Variants in FAM133B observed in about 807,000 individuals in gnomAD.
FAM133B encodes family with sequence similarity 133 member B, also known as protein FAM133B.
A neutral mutation model predicts 46.4 loss-of-function variants in FAM133B; 25 were observed. That is an observed-to-expected ratio of 0.54 (90% CI 0.39 to 0.75). FAM133B has a LOEUF of 0.75. FAM133B is among the 30% of genes least tolerant of loss of function. FAM133B has a pLI of 0.00. For synonymous variants in FAM133B, 75 were observed against 86.0 expected, an observed-to-expected ratio of 0.87 and a Z score of 0.71; for missense variants, 205 against 277.6, an observed-to-expected ratio of 0.74 and a Z score of 1.86.
At chr7:92,581,765 C>G (rs1397337533) in intron 1 of FAM133B, 162 bp from the exon 2 acceptor site, 1 of 568,182 alleles carries the variant, frequency 1.8e-6, no homozygotes, top group African/African-American at 1.9e-5. Flanking sequence ...ATTTAATCCT[C>G]TTTTAAGTCT....
At chr7:92,589,928 T>G (rs1210340777) in intron 1 of FAM133B, 4 of 405,392 alleles carry the variant, frequency 9.9e-6, no homozygotes, top group African/African-American at 2.2e-5. Context: ...CGGAGTTACA[T>G]GGCGGGGCCA....
intron 10 of FAM133B, 124 bp downstream of exon 10, chr7:92,565,890 C>T: frequency 1.9e-6 from 2 of 1,034,222 alleles, no homozygotes; most frequent in African/African-American, 1.6e-5. Flanking sequence ...GCTGAACACA[C>T]CACACCTTTC....
At chr7:92,589,939 G>T in intron 1 of FAM133B, 1 of 440,910 alleles carries the variant, frequency 2.3e-6, no homozygotes, top group Non-Finnish European at 4.1e-6. Context: ...GGCGGGGCCA[G>T]GTGTGGGGGG....
Position 92,581,643 on chromosome 7 carries a change from T to C in FAM133B, c.25-40A>G, listed in dbSNP as rs376251185. On this transcript the variant is annotated intron_variant, in intron 1 of 10. Coordinates refer to ENST00000445716, the MANE Select transcript of FAM133B (RefSeq NM_152789.4). Reference sequence around the variant, plus strand: ...AACAATTAATCCATTAAAGCAATCATTAAACATGCAAAACCTCACTTACTC... The same window carrying C: ...AACAATTAATCCATTAAAGCAATCACTAAACATGCAAAACCTCACTTACTC... The C allele has an allele frequency of 3.7e-5, 57 of 1,529,150 alleles. 1 individual carries two copies. In the African/African-American group the frequency reaches 6.6e-4, roughly 18 times the overall value. The allele number at this position is 1,529,150 out of a possible 1,614,324, so 94.7% of individuals were successfully genotyped here. A position where few individuals can be genotyped will look rare whatever the true frequency, so the allele number is the denominator to read the frequency against.
chr7:92,581,542 G>A lies in FAM133B; in HGVS notation c.86C>T (p.Thr29Ile). The change falls in exon 2 of 11, where the codon ACA becomes ATA. Residue 29 changes from threonine (T) to isoleucine (I), a missense_variant. By Grantham distance (89) the Thr-to-Ile change is moderately conservative (BLOSUM62 -1). Transcript: ENST00000445716. The part of the protein sequence containing the change: ...SRGPIQSSGP[T>I]IQDYLNRPRP... ...TGGTCGATTCAGATAATCCTGTATT[G>A]TTGGCCCTGAAGACTGGATTGGACC... 2 of 1,613,846 alleles carry A rather than the reference G, an allele frequency of 1.2e-6. No individual in the cohort carries two copies. The highest frequency in any genetic ancestry group is 1.7e-6 in the Non-Finnish European group (2 of 1,179,800).
At chr7:92,571,819 G>A (rs140179057) in intron 8 of FAM133B, among the ~76,000 whole-genome samples, 170 of 152,164 alleles carry the variant, frequency 1.1e-3, no homozygotes, top group African/African-American at 1.5e-3. Flanking sequence ...TATCCAGTAC[G>A]GCAAGTTATA....
intron 8 of FAM133B, among the ~76,000 whole-genome samples, chr7:92,571,449 C>T (rs1794528227): frequency 6.6e-6 from 1 of 152,034 alleles, no homozygotes; most frequent in Admixed American, 6.6e-5. Context: ...AAACTTTGTT[C>T]ACAGTTTAAT....
chr7:92,582,258 A>ACATAAC (rs532254447), intron 1 of FAM133B, among the ~76,000 whole-genome samples: 3 of 147,846 alleles, frequency 2.0e-5, no homozygotes, highest in African/African-American at 7.7e-5. Flanking sequence ...AAATAAAATA[A>ACATAAC]ATAACATAAC....
intron 9 of FAM133B, among the ~76,000 whole-genome samples, chr7:92,566,758 A>G (rs1794362391): frequency 6.6e-6 from 1 of 152,250 alleles, no homozygotes; most frequent in Admixed American, 6.5e-5. Context: ...GGAAGTGCCT[A>G]AAATACAGCA....
At chr7:92,587,393 G>A (rs1046970436) in intron 1 of FAM133B, among the ~76,000 whole-genome samples, 1 of 152,142 alleles carries the variant, frequency 6.6e-6, no homozygotes, top group African/African-American at 2.4e-5. Flanking sequence ...GGACAGGGGT[G>A]GTAGAGGAAT....
intron 1 of FAM133B, among the ~76,000 whole-genome samples, chr7:92,581,960 A>G (rs1256900788): frequency 6.6e-6 from 1 of 152,106 alleles, no homozygotes; most frequent in Non-Finnish European, 1.5e-5. Flanking sequence ...TAAGAAACTC[A>G]ATTCCAGGCT....
At chr7:92,575,930 C>T (rs1585306870) in intron 7 of FAM133B, 109 bp from the exon 8 acceptor site, 1 of 465,200 alleles carries the variant, frequency 2.1e-6, no homozygotes, top group Non-Finnish European at 4.0e-6. Flanking sequence ...AAAAAGGCTA[C>T]TCCAATCCCA....
chr7:92,566,164 T>TC, intron 9 of FAM133B, 103 bp from the exon 10 acceptor site: 2 of 1,056,562 alleles, frequency 1.9e-6, no homozygotes, highest in Non-Finnish European at 2.8e-6. Flanking sequence ...AATTTAAATG[T>TC]AAAAAACATT....
intron 1 of FAM133B, among the ~76,000 whole-genome samples, chr7:92,589,276 A>G (rs1562900630): frequency 3.3e-5 from 5 of 152,148 alleles, no homozygotes; most frequent in Middle Eastern, 6.8e-3. Flanking sequence ...CTGATTCATA[A>G]CCTGAGTTTT....
chr7:92,582,122 G>A (rs1246355808), intron 1 of FAM133B, among the ~76,000 whole-genome samples: 2 of 152,058 alleles, frequency 1.3e-5, no homozygotes, highest in Non-Finnish European at 2.9e-5. Flanking sequence ...GGTGGCACAC[G>A]CCTGTAATCC....
At chr7:92,586,756 T>C (rs919084075) in intron 1 of FAM133B, among the ~76,000 whole-genome samples, 1 of 152,212 alleles carries the variant, frequency 6.6e-6, no homozygotes, top group Non-Finnish European at 1.5e-5. Flanking sequence ...GTGCAGAATT[T>C]CATTTGTCAA....
intron 1 of FAM133B, among the ~76,000 whole-genome samples, chr7:92,587,275 C>A (rs370279383): frequency 1.3e-5 from 2 of 152,140 alleles, no homozygotes; most frequent in Non-Finnish European, 2.9e-5. Flanking sequence ...GAGACAATCT[C>A]AAAAAATGCC....
At chr7:92,566,732 A>G (rs1294088879) in intron 9 of FAM133B, among the ~76,000 whole-genome samples, 4 of 152,238 alleles carry the variant, frequency 2.6e-5, no homozygotes, top group Non-Finnish European at 5.9e-5. Flanking sequence ...AATGTAGATA[A>G]TATCCACCCT....
chr7:92,562,193 C>G lies in FAM133B; in HGVS notation c.*89G>C. 3 of 1,411,838 alleles carry G rather than the reference C, an allele frequency of 2.1e-6. No homozygotes were observed. The highest frequency in any genetic ancestry group is 1.5e-5 in the African/African-American group (1 of 68,804). The allele number at this position is 1,411,838 out of a possible 1,614,324, so 87.5% of individuals were successfully genotyped here. On this transcript the variant is annotated 3_prime_UTR_variant, in exon 11 of 11. Transcript: ENST00000445716. ...AATTCCAAAAACAAGAAAATTCATGCATTTTAGTAAATATGTTGTAGTTTT... is the reference window on the plus strand; with the variant it reads ...AATTCCAAAAACAAGAAAATTCATGGATTTTAGTAAATATGTTGTAGTTTT...
Sources: gnomAD v4.1 joint callset for allele counts (sites outside exome capture counted in the v4.1 genomes callset) on GRCh38, gnomAD v4.1.1 for gene constraint, MANE v1.5 for transcripts, NCBI Gene and HGNC (gene_info 2026-07-23, HGNC 2026-07-21) for gene names.